Variants in PRDM9 observed in about 807,000 individuals in gnomAD.
The protein encoded by PRDM9 is histone-lysine N-methyltransferase PRDM9.
PRDM9 carries 47 observed loss-of-function variants against 55.6 expected under a neutral mutation model. That is an observed-to-expected ratio of 0.85 (90% CI 0.67 to 1.08). PRDM9 has a LOEUF of 1.08. PRDM9 is among the 50% of genes least tolerant of loss of function. PRDM9 has a pLI of 0.00. For synonymous variants in PRDM9, 312 were observed against 375.7 expected (o/e 0.83, Z 1.96); for missense variants, 867 against 1,040.3 (o/e 0.83, Z 2.29).
At chr5:23,512,164 A>G (rs1291064859) in intron 4 of PRDM9, among the ~76,000 whole-genome samples, 2 of 152,194 alleles carry the variant, frequency 1.3e-5, no homozygotes, top group African/African-American at 2.4e-5. Flanking sequence ...TAATCATACT[A>G]TATGATCCTC....
At position 23,528,087 on chromosome 5, in the gene PRDM9, A is replaced by T. The variant is rs1739521753; in HGVS notation, c.*314A>T. The stretch of plus-strand genomic sequence containing the variant: ...TCTAATAAATTTTGTCTCCATACAA[A>T]TCTGAACCCCAAGTGTGTACCTCAT... On this transcript the variant is annotated 3_prime_UTR_variant, in exon 11 of 11. Coordinates refer to ENST00000296682, the MANE Select transcript of PRDM9 (RefSeq NM_020227.4). The T allele has an allele frequency of 4.4e-6, 2 of 456,460 alleles. No individual in the cohort carries two copies. The highest frequency in any genetic ancestry group is 3.4e-5 in the Admixed American group (1 of 29,460). The allele number at this position is 456,460 out of a possible 1,614,324, so 28.3% of individuals were successfully genotyped here.
At chr5:23,515,799 T>C (rs1739198815) in intron 4 of PRDM9, among the ~76,000 whole-genome samples, 1 of 152,172 alleles carries the variant, frequency 6.6e-6, no homozygotes, top group South Asian at 2.1e-4. Context: ...CTTGGCATCC[T>C]TGCTGAAGAT....
At position 23,518,299 on chromosome 5, in the gene PRDM9, T is replaced by C. The variant is rs562959223; in HGVS notation, c.351+369T>C. Among the ~76,000 whole-genome samples the C allele has an allele frequency of 9.8e-5, 15 of 152,310 alleles. No individual in the cohort carries two copies. In the East Asian group the frequency reaches 2.9e-3, roughly 29 times the overall value. ...GTTATATCCCTGGGATCACATTCAG[T>C]GTTGGTGCAGTCTAATCCAAAACTC... On this transcript the variant is annotated intron_variant, in intron 5 of 10. Transcript: ENST00000296682.
At chr5:23,517,425 A>G (rs1005519529) in intron 4 of PRDM9, among the ~76,000 whole-genome samples, 15 of 152,166 alleles carry the variant, frequency 9.9e-5, no homozygotes, top group African/African-American at 3.4e-4. Flanking sequence ...AAACATTTCC[A>G]AATCGCCTTT....
In PRDM9 at chr5:23,509,956, G is replaced by A. The variant is rs375716818; in HGVS notation, c.230G>A (p.Arg77Gln). 112 of 1,613,538 alleles carry A rather than the reference G, an allele frequency of 6.9e-5. No homozygotes were observed. The African/African-American group carries it at 7.6e-4, about 11-fold the overall frequency. ...ACTCGACCAGCTTTCATGTGTCACC[G>A]AAGGCAGGCCATCAAACTCCAGGTG... ...RATRPAFMCH[R>Q]RQAIKLQVDD... is the part of the protein sequence containing the mutation. Residue 77 changes from arginine (R) to glutamine (Q), a missense_variant, in exon 4 of 11, where the codon CGA becomes CAA. By Grantham distance (43) the Arg-to-Gln change is conservative. Around this residue, in one of 5 missense-constraint regions of PRDM9, gnomAD observed 662 missense variants for 711.9 expected, o/e 0.93. Transcript: ENST00000296682.
intron 9 of PRDM9, 89 bp downstream of exon 9, chr5:23,523,447 G>T: frequency 7.4e-7 from 1 of 1,349,568 alleles, no homozygotes; most frequent in South Asian, 1.2e-5. Context: ...CTCCCTCAAT[G>T]ATTTTCACAT....
intron 9 of PRDM9, among the ~76,000 whole-genome samples, chr5:23,523,880 G>A (rs1739381744): frequency 6.6e-6 from 1 of 152,158 alleles, no homozygotes; most frequent in South Asian, 2.1e-4. Flanking sequence ...GCACCTGAAT[G>A]AACTGTAGGG....
At chr5:23,507,164 CACAGTTAAAGGAACACCA>C (rs1738990615), upstream of PRDM9, 2 of 152,582 alleles carry the variant, frequency 1.3e-5, no homozygotes, top group Non-Finnish European at 2.9e-5. Flanking sequence ...CAACTTACAC[CACAGTTAAAGGAACACCA>C]ACCCTCCCAG....
Position 23,522,853 on chromosome 5 carries a change from G to T in PRDM9, c.850G>T (p.Glu284Ter), listed in dbSNP as rs751642339. ...TTATGAGGGCCGAATTACAGAAGAC[G>T]AAGAGGCAGCCAACAATGGATACTC... is the stretch of plus-strand genomic sequence containing the variant. ...GPYEGRITED[E>*]EAANNGYSWL... The change falls in exon 8 of 11, where the codon GAA becomes TAA. Residue 284 changes from glutamate to a stop codon, truncating the protein, a stop_gained. Coordinates refer to ENST00000296682, the MANE Select transcript of PRDM9 (RefSeq NM_020227.4). LOFTEE classifies it high-confidence loss of function. 1 of 1,614,244 alleles carries T rather than the reference G, an allele frequency of 6.2e-7. No homozygotes were observed. The highest frequency in any genetic ancestry group is 1.7e-5 in the Admixed American group (1 of 60,032).
chr5:23,517,440 A>G (rs1162696038), intron 4 of PRDM9, among the ~76,000 whole-genome samples: 4 of 152,136 alleles, frequency 2.6e-5, no homozygotes, highest in Non-Finnish European at 5.9e-5. Context: ...GCCTTTGGAT[A>G]ATACTTGGAA....
intron 10 of PRDM9, among the ~76,000 whole-genome samples, chr5:23,525,032 A>G (rs1230064618): frequency 1.3e-5 from 2 of 152,260 alleles, no homozygotes; most frequent in African/African-American, 4.8e-5. Context: ...ATATGATTAC[A>G]TACAGACATA....
At chr5:23,523,696 G>A (rs1739378539) in intron 9 of PRDM9, among the ~76,000 whole-genome samples, 1 of 152,194 alleles carries the variant, frequency 6.6e-6, no homozygotes, top group Admixed American at 6.5e-5. Flanking sequence ...GTTAGGAAGT[G>A]AGGTTCACTA....
rs1739438113 is a variant in PRDM9 at position 23,526,554 on chromosome 5, T to C, written c.1466T>C (p.Val489Ala). Residue 489 changes from valine (V) to alanine (A), a missense_variant, in exon 11 of 11, where the codon GTG becomes GCG. Around this residue, in one of 5 missense-constraint regions of PRDM9, gnomAD observed 662 missense variants for 711.9 expected, o/e 0.93. Transcript: ENST00000296682. The part of the protein sequence containing the change: ...PPKGQMGSCR[V>A]GKRIMEEESR... ...AAAGGACAAATGGGGAGCTGTAGAG[T>C]GGGAAAAAGAATAATGGAAGAAGAG... The C allele has an allele frequency of 6.2e-7, 1 of 1,613,482 alleles. No individual in the cohort carries two copies. The highest frequency in any genetic ancestry group is 8.5e-7 in the Non-Finnish European group (1 of 1,179,896).
chr5:23,523,219 G>A (rs1039431091), intron 8 of PRDM9, 72 bp from the exon 9 acceptor site: 113 of 1,528,160 alleles, frequency 7.4e-5, no homozygotes, highest in Middle Eastern at 3.4e-4. Flanking sequence ...GGCCATTGAC[G>A]ACAGTGGAGT....
intron 4 of PRDM9, 36 bp from the exon 5 acceptor site, chr5:23,517,845 T>C (rs757911740): frequency 2.0e-6 from 3 of 1,530,494 alleles, no homozygotes; most frequent in South Asian, 2.2e-5. Context: ...TGGAAACATT[T>C]ACCAACCAAA....
chr5:23,510,244 A>G (rs1392536817), intron 4 of PRDM9, among the ~76,000 whole-genome samples: 2 of 151,968 alleles, frequency 1.3e-5, no homozygotes, highest in African/African-American at 4.8e-5. Context: ...TTTTTTTAGT[A>G]GAGATGGGGT....
intron 10 of PRDM9, among the ~76,000 whole-genome samples, chr5:23,525,015 G>C (rs532953601): frequency 6.6e-6 from 1 of 152,324 alleles, no homozygotes; most frequent in East Asian, 1.9e-4. Context: ...ATGTGAATTA[G>C]GGAACCATAT....
intron 4 of PRDM9, among the ~76,000 whole-genome samples, chr5:23,513,795 C>A (rs1222932363): frequency 6.6e-6 from 1 of 152,086 alleles, no homozygotes; most frequent in Non-Finnish European, 1.5e-5. Flanking sequence ...AGAAGAATCA[C>A]TTGAACCCGG....
intron 5 of PRDM9, among the ~76,000 whole-genome samples, chr5:23,519,518 G>A (rs1333112472): frequency 1.3e-5 from 2 of 151,772 alleles, no homozygotes; most frequent in Admixed American, 6.6e-5. Flanking sequence ...ACAGGCACCC[G>A]CCACCACACC....
Sources: allele counts gnomAD v4.1 joint callset (sites outside exome capture counted in the v4.1 genomes callset), GRCh38; gene constraint gnomAD v4.1.1; regional missense constraint gnomAD v4.1.1; transcripts MANE v1.5; gene names NCBI Gene and HGNC (gene_info 2026-07-23, HGNC 2026-07-21).